FBLN2: variants seen among roughly 807,000 people sequenced by gnomAD.
FBLN2 encodes fibulin 2, also known as fibulin-2.
In FBLN2, 81 loss-of-function variants were observed where a neutral mutation model predicts 123.7. The observed-to-expected ratio is 0.65, with a 90% confidence interval of 0.55 to 0.79. The LOEUF is 0.79. FBLN2 is among the 30% of genes least tolerant of loss of function. FBLN2 has a pLI of 0.00. For missense variants in FBLN2, 1,603 were observed against 1,681.3 expected (o/e 0.95, Z 0.81); for synonymous variants, 699 against 701.4 (o/e 1.00, Z 0.05).
rs539068060 is a variant in FBLN2 at position 13,619,808 on chromosome 3, T to C, written c.2132T>C (p.Met711Thr). ...TCCTGTTTTCCCGGCTATGCCATCATGGCGGATGGCGTGTCCTGTGAAGGT... is the reference window on the plus strand; with the variant it reads ...TCCTGTTTTCCCGGCTATGCCATCACGGCGGATGGCGTGTCCTGTGAAGGT... ...ICSCFPGYAIMADGVSCEDQD... is the reference protein window; with the variant it reads ...ICSCFPGYAITADGVSCEDQD... The change falls in exon 8 of 18, where the codon ATG becomes ACG. Residue 711 changes from methionine (M) to threonine (T), a missense_variant. Physicochemically the swap from Met to Thr is moderately conservative, Grantham distance 81. Transcript: ENST00000404922. The C allele has an allele frequency of 1.2e-6, 2 of 1,612,512 alleles. No individual in the cohort carries two copies. Among genetic ancestry groups the C allele is most frequent in the Non-Finnish European group, 1.7e-6 (2 of 1,179,270 alleles).
At chr3:13,608,920 CA>C (rs1705295667) in intron 3 of FBLN2, among the ~76,000 whole-genome samples, 2 of 152,238 alleles carry the variant, frequency 1.3e-5, no homozygotes, top group Non-Finnish European at 2.9e-5. Context: ...TCTTTCCCTT[CA>C]GCCATTCTAC....
intron 1 of FBLN2, chr3:13,568,699 C>T (rs948784457): frequency 6.4e-5 from 58 of 904,348 alleles, no homozygotes; most frequent in Admixed American, 1.2e-4. Context: ...CGGACTGACA[C>T]GGGCTCCCCT....
At chr3:13,553,219 G>A (rs977868868) in intron 1 of FBLN2, among the ~76,000 whole-genome samples, 1 of 152,204 alleles carries the variant, frequency 6.6e-6, no homozygotes, top group Non-Finnish European at 1.5e-5. Context: ...GTCTGCGAGC[G>A]AGCAACAGGC....
intron 2 of FBLN2, among the ~76,000 whole-genome samples, chr3:13,601,332 G>A (rs1211302144): frequency 6.6e-6 from 1 of 152,232 alleles, no homozygotes; most frequent in African/African-American, 2.4e-5. Flanking sequence ...AGGATAAGCC[G>A]CCTGGGCAGA....
At chr3:13,614,787 A>G (rs1479226202) in intron 5 of FBLN2, among the ~76,000 whole-genome samples, 1 of 151,220 alleles carries the variant, frequency 6.6e-6, no homozygotes, top group Non-Finnish European at 1.5e-5. Context: ...TTGTTTATCC[A>G]TCCATCCATC....
intron 17 of FBLN2, 57 bp from the exon 18 acceptor site, chr3:13,637,505 G>C: frequency 6.9e-7 from 1 of 1,456,156 alleles, no homozygotes; most frequent in Non-Finnish European, 9.4e-7. Flanking sequence ...CTGTGTCCCC[G>C]TCTGGGGATG....
In FBLN2 at chr3:13,554,599, G is replaced by GTCCTTGGAGCAGAGACACTCACTA. The variant is rs68097005; in HGVS notation, c.-42+5395_-42+5396insTGGAGCAGAGACACTCACTATCCT. Among the ~76,000 whole-genome samples, 3 of 6,156 alleles carry GTCCTTGGAGCAGAGACACTCACTA rather than the reference G, an allele frequency of 4.9e-4. No homozygotes were observed. The East Asian group carries it at 0.21, about 440-fold the overall frequency. The allele number at this position is 6,156 out of a possible 152,430, so 4.0% of individuals were successfully genotyped here. A position where few individuals can be genotyped will look rare whatever the true frequency, so the allele number is the denominator to read the frequency against. The stretch of plus-strand genomic sequence containing the variant: ...TGTGTTTTCTTAGACAACTTCCCTA[G>GTCCTTGGAGCAGAGACACTCACTA]TCCTCGTGGTGGTTGGTGTTGGCTG... On this transcript the variant is annotated intron_variant, in intron 1 of 17. Coordinates refer to ENST00000404922, the MANE Select transcript of FBLN2 (RefSeq NM_001004019.2).
chr3:13,555,423 C>G (rs1202638571), intron 1 of FBLN2, among the ~76,000 whole-genome samples: 1 of 151,580 alleles, frequency 6.6e-6, no homozygotes, highest in Non-Finnish European at 1.5e-5. Flanking sequence ...AGTGAGTGTT[C>G]CCTGTTTTTT....
intron 14 of FBLN2, 61 bp downstream of exon 14, chr3:13,630,006 GT>G: frequency 6.3e-7 from 1 of 1,591,866 alleles, no homozygotes; most frequent in Non-Finnish European, 8.5e-7. Context: ...CAGACCCGCC[GT>G]GGAAGGCCCA....
intron 13 of FBLN2, 87 bp from the exon 14 acceptor site, chr3:13,629,733 T>C: frequency 6.7e-7 from 1 of 1,481,958 alleles, no homozygotes; most frequent in East Asian, 2.5e-5. Flanking sequence ...CCACTTAGCC[T>C]CCCCTTCGGC....
intron 2 of FBLN2, among the ~76,000 whole-genome samples, chr3:13,574,731 C>G (rs1389035246): frequency 1.3e-5 from 2 of 152,194 alleles, no homozygotes; most frequent in African/African-American, 4.8e-5. Context: ...GCCACCTCCC[C>G]AGCTTCTCCT....
chr3:13,619,087 G>T, intron 7 of FBLN2, 70 bp downstream of exon 7: 1 of 1,167,504 alleles, frequency 8.6e-7, no homozygotes, highest in Non-Finnish European at 1.2e-6. Context: ...CTGCTTGCAG[G>T]TGGTGAGCTG....
intron 1 of FBLN2, 113 bp downstream of exon 1, chr3:13,549,321 C>G: frequency 1.4e-6 from 1 of 700,316 alleles, no homozygotes; most frequent in Non-Finnish European, 1.8e-6. Context: ...CTCGGACGCG[C>G]CTCGCGGGCT....
chr3:13,601,060 C>T (rs1029632559), intron 2 of FBLN2, among the ~76,000 whole-genome samples: 1 of 152,214 alleles, frequency 6.6e-6, no homozygotes, highest in African/African-American at 2.4e-5. Context: ...GGATTTCTAA[C>T]TCCCCAGCTC....
chr3:13,600,046 C>CGATA, intron 2 of FBLN2, among the ~76,000 whole-genome samples: 1 of 128,220 alleles, frequency 7.8e-6, no homozygotes, highest in East Asian at 2.6e-4. Context: ...AGAGAGAGAG[C>CGATA]GAGAGAGAGA....
At position 13,587,280 on chromosome 3, in the gene FBLN2, G is replaced by A. The variant is rs890517949; in HGVS notation, c.1306+15619G>A. 4.6e-5 allele frequency among the ~76,000 whole-genome samples: 7 copies of A among 152,110 alleles called. No individual in the cohort carries two copies. The East Asian group carries it at 1.3e-3, about 29-fold the overall frequency. On this transcript the variant is annotated intron_variant, in intron 2 of 17. Coordinates refer to ENST00000404922, the MANE Select transcript of FBLN2 (RefSeq NM_001004019.2). The stretch of plus-strand genomic sequence containing the variant: ...TTAAGGTAAGCGTTATTACAAAAGG[G>A]TAAAAAATTAAAATTTATAAAGTAA...
At chr3:13,589,141 T>C (rs558921467) in intron 2 of FBLN2, among the ~76,000 whole-genome samples, 66 of 152,358 alleles carry the variant, frequency 4.3e-4, no homozygotes, top group Middle Eastern at 3.4e-3. Context: ...ATTTCTGTGC[T>C]TCTCCTGAAT....
chr3:13,571,793 C>G (rs1031011744), intron 2 of FBLN2, 132 bp downstream of exon 2: 32 of 1,043,116 alleles, frequency 3.1e-5, no homozygotes, highest in Non-Finnish European at 4.0e-5. Flanking sequence ...GTGGCCACCC[C>G]AGGCCCTTGG....
chr3:13,631,283 C>T (rs1275821599), intron 15 of FBLN2, 46 bp from the exon 16 acceptor site: 7 of 1,582,874 alleles, frequency 4.4e-6, no homozygotes, highest in Non-Finnish European at 6.0e-6. Flanking sequence ...TGGCTGGGCT[C>T]TGTGGGTGGA....
Sources: gnomAD v4.1 joint callset for allele counts (sites outside exome capture counted in the v4.1 genomes callset) on GRCh38, gnomAD v4.1.1 for gene constraint, MANE v1.5 for transcripts, NCBI Gene and HGNC (gene_info 2026-07-23, HGNC 2026-07-21) for gene names.